The following CNTNAP2 variants were observed in gnomAD, a reference collection of about 807,000 sequenced individuals.
CNTNAP2 encodes the protein contactin associated protein 2.
Under a neutral mutation model 155.2 loss-of-function variants are expected in CNTNAP2, and 98 were observed. The ratio of observed to expected loss-of-function variants is 0.63; its 90% CI spans 0.54 to 0.75. The LOEUF (loss-of-function observed/expected upper bound fraction) is 0.75, where lower values mean the gene tolerates loss of function less well. Ranked by LOEUF, CNTNAP2 falls within the 30% of genes least tolerant of loss-of-function variation. The probability of loss-of-function intolerance (pLI) is 0.00; values close to 1 mark genes in which losing one functional copy is unlikely to be tolerated. For missense variants in CNTNAP2, 1,727 were observed against 1,688.1 expected, an observed-to-expected ratio of 1.02 and a Z score of -0.40; for synonymous variants, 651 against 631.2, an observed-to-expected ratio of 1.03 and a Z score of -0.47.
intron 8 of CNTNAP2, among the ~76,000 whole-genome samples, chr7:147,247,433 A>G (rs982556581): frequency 6.6e-6 from 1 of 152,152 alleles, no homozygotes; most frequent in African/African-American, 2.4e-5. Flanking sequence ...CCATTTTTAT[A>G]CCTGCTCCCA....
intron 11 of CNTNAP2, among the ~76,000 whole-genome samples, chr7:147,491,490 G>T (rs940371680): frequency 6.6e-6 from 1 of 152,118 alleles, no homozygotes; most frequent in Non-Finnish European, 1.5e-5. Flanking sequence ...CACTAGCAAT[G>T]GTTATGATTT....
chr7:147,607,406 T>G (rs1801091546), intron 12 of CNTNAP2, among the ~76,000 whole-genome samples: 2 of 152,004 alleles, frequency 1.3e-5, no homozygotes. Flanking sequence ...CTGTCTCTCT[T>G]CCTTTCTCTC....
At chr7:146,173,136 T>TA (rs1037729075) in intron 1 of CNTNAP2, among the ~76,000 whole-genome samples, 16 of 151,986 alleles carry the variant, frequency 1.1e-4, no homozygotes, top group Admixed American at 5.9e-4. Context: ...AAAGGATTTT[T>TA]AAAAAAAACT....
chr7:148,342,644 T>C (rs1391634139), intron 21 of CNTNAP2, among the ~76,000 whole-genome samples: 1 of 152,234 alleles, frequency 6.6e-6, no homozygotes, highest in African/African-American at 2.4e-5. Flanking sequence ...TCTTATTCCT[T>C]TGAAATTGAT....
At chr7:146,291,089 A>G (rs1431623129) in intron 1 of CNTNAP2, among the ~76,000 whole-genome samples, 1 of 152,212 alleles carries the variant, frequency 6.6e-6, no homozygotes, top group Non-Finnish European at 1.5e-5. Context: ...GAATCTAACT[A>G]GACTAAGATA....
chr7:146,818,261 G>A (rs528205062), intron 2 of CNTNAP2, among the ~76,000 whole-genome samples: 43 of 152,252 alleles, frequency 2.8e-4, no homozygotes, highest in African/African-American at 9.9e-4. Flanking sequence ...TCAAGAGACT[G>A]TTAAAATGGT....
chr7:147,482,411 G>C (rs1011999241), intron 10 of CNTNAP2, among the ~76,000 whole-genome samples: 1 of 152,018 alleles, frequency 6.6e-6, no homozygotes, highest in Non-Finnish European at 1.5e-5. Flanking sequence ...ATCACAGGGA[G>C]AATGTCAATT....
At chr7:148,136,391 G>A (rs546393556) in intron 16 of CNTNAP2, among the ~76,000 whole-genome samples, 1 of 152,070 alleles carries the variant, frequency 6.6e-6, no homozygotes, top group South Asian at 2.1e-4. Context: ...TAAAGAGCTT[G>A]GCACCTCCTC....
chr7:148,366,805 A>C (rs532424347), intron 21 of CNTNAP2, among the ~76,000 whole-genome samples: 1 of 152,278 alleles, frequency 6.6e-6, no homozygotes, highest in African/African-American at 2.4e-5. Context: ...CCACCTGTCT[A>C]AGACAGAGGA....
At chr7:146,933,301 G>C (rs1392809327) in intron 3 of CNTNAP2, among the ~76,000 whole-genome samples, 1 of 151,992 alleles carries the variant, frequency 6.6e-6, no homozygotes, top group Non-Finnish European at 1.5e-5. Flanking sequence ...ACAACTATCT[G>C]ATCTTTGACA....
chr7:147,492,858 C>T (rs187183718), intron 11 of CNTNAP2, among the ~76,000 whole-genome samples: 5 of 152,120 alleles, frequency 3.3e-5, no homozygotes, highest in Admixed American at 6.5e-5. Context: ...CCCATCTCTC[C>T]GCCCCCGCTC....
At chr7:147,003,671 T>A (rs1236737740) in intron 3 of CNTNAP2, among the ~76,000 whole-genome samples, 2 of 152,026 alleles carry the variant, frequency 1.3e-5, no homozygotes, top group African/African-American at 4.8e-5. Context: ...AAAGAGTGGA[T>A]AATGGTGATT....
chr7:147,659,558 G>T (rs918522569), intron 13 of CNTNAP2, among the ~76,000 whole-genome samples: 2 of 152,184 alleles, frequency 1.3e-5, no homozygotes, highest in Admixed American at 6.5e-5. Context: ...CAAGCCATGT[G>T]TGTTGCATGG....
At chr7:146,213,632 G>T (rs1799069919) in intron 1 of CNTNAP2, among the ~76,000 whole-genome samples, 2 of 152,238 alleles carry the variant, frequency 1.3e-5, no homozygotes, top group South Asian at 2.1e-4. Context: ...TCATCAGAAA[G>T]TTGTGAGTTA....
At chr7:146,642,649 T>A (rs1052435662) in intron 1 of CNTNAP2, among the ~76,000 whole-genome samples, 1 of 151,928 alleles carries the variant, frequency 6.6e-6, no homozygotes, top group Non-Finnish European at 1.5e-5. Context: ...AACAGCATGA[T>A]TTATAGTCCT....
intron 1 of CNTNAP2, among the ~76,000 whole-genome samples, chr7:146,213,861 G>T (rs765914194): frequency 6.6e-6 from 1 of 152,120 alleles, no homozygotes; most frequent in Non-Finnish European, 1.5e-5. Flanking sequence ...GAATTCAGAG[G>T]ATTCGGTTAC....
chr7:146,536,092 A>T (rs540052481), intron 1 of CNTNAP2, among the ~76,000 whole-genome samples: 1 of 152,260 alleles, frequency 6.6e-6, no homozygotes, highest in East Asian at 1.9e-4. Context: ...ATAATGAGAA[A>T]AAAGCAGACA....
intron 10 of CNTNAP2, among the ~76,000 whole-genome samples, chr7:147,410,304 C>T (rs1346348337): frequency 1.3e-5 from 2 of 152,136 alleles, no homozygotes; most frequent in Non-Finnish European, 2.9e-5. Flanking sequence ...AACCAAATGT[C>T]ACATGTTCTC....
At chr7:147,608,928 C>G (rs1051355005) in intron 12 of CNTNAP2, among the ~76,000 whole-genome samples, 1 of 151,928 alleles carries the variant, frequency 6.6e-6, no homozygotes, top group African/African-American at 2.4e-5. Context: ...GGTGCTCAGT[C>G]GGGGAGCTTC....
Sources: allele counts gnomAD v4.1 joint callset (sites outside exome capture counted in the v4.1 genomes callset), GRCh38; gene constraint gnomAD v4.1.1; transcripts MANE v1.5; gene names NCBI Gene and HGNC (gene_info 2026-07-23, HGNC 2026-07-21).